The following AHI1 variants were observed in gnomAD, a reference collection of about 807,000 sequenced individuals.
AHI1 encodes Abelson helper integration site 1.
AHI1 carries 123 observed loss-of-function variants against 149.3 expected under a neutral mutation model. The ratio of observed to expected loss-of-function variants is 0.82; its 90% CI spans 0.71 to 0.96. The LOEUF (loss-of-function observed/expected upper bound fraction) is 0.96, where lower values mean the gene tolerates loss of function less well. AHI1 is among the 40% of genes least tolerant of loss of function. The pLI is 0.00. For missense variants in AHI1, 1,439 were observed against 1,422.7 expected (o/e 1.01, Z -0.18); for synonymous variants, 475 against 459.8 (o/e 1.03, Z -0.42).
chr6:135,487,176 TAC>T (rs1214083618), intron 5 of AHI1, among the ~76,000 whole-genome samples: 3 of 152,210 alleles, frequency 2.0e-5, no homozygotes, highest in Non-Finnish European at 2.9e-5. Flanking sequence ...CTTATTTCAT[TAC>T]ATTCTTTTAA....
intron 20 of AHI1, among the ~76,000 whole-genome samples, chr6:135,413,642 C>G (rs776451139): frequency 6.6e-6 from 1 of 151,678 alleles, no homozygotes; most frequent in Non-Finnish European, 1.5e-5. Flanking sequence ...AAATAAGGCA[C>G]TAGAATTGAC....
chr6:135,435,962 G>C (rs1323618162), intron 15 of AHI1, among the ~76,000 whole-genome samples: 1 of 152,230 alleles, frequency 6.6e-6, no homozygotes, highest in East Asian at 1.9e-4. Context: ...GGTGGATAAG[G>C]ATGCCATTAA....
In AHI1 at chr6:135,323,209, C is replaced by G. The variant is rs1787140141; in HGVS notation, c.3281G>C (p.Gly1094Ala). 1 of 1,613,756 alleles carries G rather than the reference C, an allele frequency of 6.2e-7. No individual in the cohort carries two copies. ...TGGAAAATAACCTTCCTGTCCCTTT[C>G]CTATGCTGCCATACCACCAGTCTTC... is the stretch of plus-strand genomic sequence containing the variant. ...DNEDWWYGSI[G>A]KGQEGYFPAN... The change falls in exon 25 of 29, where the codon GGA (glycine) becomes GCA (alanine). Residue 1094 changes from glycine to alanine, a missense_variant. Coordinates refer to ENST00000265602, the MANE Select transcript of AHI1 (RefSeq NM_001134831.2).
chr6:135,411,368 G>C lies in AHI1; in HGVS notation c.2941C>G (p.Gln981Glu), dbSNP rs1469812412. The C allele has an allele frequency of 2.5e-6, 4 of 1,613,678 alleles. No individual in the cohort carries two copies. Among genetic ancestry groups the C allele is most frequent in the Non-Finnish European group, 3.4e-6 (4 of 1,179,746 alleles). The change falls in exon 21 of 29, where the codon CAG (glutamine) becomes GAG (glutamate). Residue 981 changes from glutamine to glutamate, a missense_variant. Physicochemically the swap from Gln to Glu is conservative, Grantham distance 29 (BLOSUM62 2). Transcript: ENST00000265602. ...CTTACTGTGACAGTTTCAAGCCTCT[G>C]TTTTACTAGCTGCATCTTCGTTGAA... ...SSSTKMQLVK[Q>E]RLETVTEVIR...
intron 27 of AHI1, among the ~76,000 whole-genome samples, chr6:135,291,804 G>T (rs893782689): frequency 6.6e-6 from 1 of 152,164 alleles, no homozygotes; most frequent in Admixed American, 6.5e-5. Context: ...AAAAAGCACT[G>T]ATAGCACACA....
rs371198770 is a variant in AHI1, at chr6:135,438,406, T to C, written c.2005A>G (p.Ile669Val). The C allele has an allele frequency of 1.7e-5, 27 of 1,577,524 alleles. No individual in the cohort carries two copies. Among genetic ancestry groups the C allele is most frequent in the Non-Finnish European group, 2.2e-5 (26 of 1,159,482 alleles). ...DLSWSKDDHY[I>V]LTSSSDGTAR... ...GTGCCATCAGATGATGAAGTAAGGA[T>C]GTAGTGATCATCTTTTGACCAGGAA... The change falls in exon 15 of 29, where the codon ATC becomes GTC. Residue 669 changes from isoleucine to valine, a missense_variant. Coordinates refer to ENST00000265602, the MANE Select transcript of AHI1 (RefSeq NM_001134831.2).
chr6:135,383,347 T>C (rs1777138902), intron 23 of AHI1, among the ~76,000 whole-genome samples: 1 of 148,958 alleles, frequency 6.7e-6, no homozygotes, highest in African/African-American at 2.5e-5. Flanking sequence ...CCCCTCTGCC[T>C]CAGCCTTCTG....
chr6:135,309,154 T>C (rs933647447), intron 26 of AHI1, among the ~76,000 whole-genome samples: 1 of 152,212 alleles, frequency 6.6e-6, no homozygotes, highest in Admixed American at 6.5e-5. Context: ...AGAGAGTCCC[T>C]ATTAATTTCT....
chr6:135,370,921 GATTCTAACAGTAATAAATACATTT>G (rs1365930228), intron 23 of AHI1, among the ~76,000 whole-genome samples: 1 of 151,726 alleles, frequency 6.6e-6, no homozygotes, highest in African/African-American at 2.4e-5. Flanking sequence ...TTCCCTTCTG[GATTCTAACAGTAATAAATACATTT>G]ATTATTTATC....
At chr6:135,486,288 T>C (rs1268722030) in intron 5 of AHI1, among the ~76,000 whole-genome samples, 1 of 152,132 alleles carries the variant, frequency 6.6e-6, no homozygotes, top group South Asian at 2.1e-4. Context: ...TAATATACCA[T>C]GTATACTGTG....
chr6:135,459,727 T>C lies in AHI1; in HGVS notation c.932-2014A>G, dbSNP rs187623894. Among the ~76,000 whole-genome samples, 263 of 101,384 alleles carry C rather than the reference T, an allele frequency of 2.6e-3. 1 individual carries two copies. The highest frequency in any genetic ancestry group is 9.0e-3 in the African/African-American group (247 of 27,528). 66.5% of individuals were successfully genotyped at this position (101,384 alleles called of 152,430 possible). ...CCCTCAAAAACTACAGTATATCAAATAGCTGACAGAAGTAAAAAAAAAAAA... is the reference window on the plus strand; with the variant it reads ...CCCTCAAAAACTACAGTATATCAAACAGCTGACAGAAGTAAAAAAAAAAAA... On this transcript the variant is annotated intron_variant, in intron 8 of 28. Transcript: ENST00000265602.
chr6:135,433,257 C>T lies in AHI1; in HGVS notation c.2037-1G>A, dbSNP rs1784918128. The T allele has an allele frequency of 6.3e-7, 1 of 1,582,994 alleles. No individual in the cohort carries two copies. Among genetic ancestry groups the T allele is most frequent in the Non-Finnish European group, 8.7e-7 (1 of 1,153,470 alleles). ...ATTGTTTATTTCATTTTTCCATATC[C>T]TGGAAAAGGATAAGAAGTTACATAT... On this transcript the variant is annotated splice_acceptor_variant, in intron 15 of 28. Transcript: ENST00000265602. LOFTEE classifies it high-confidence loss of function.
In AHI1 at chr6:135,387,476, T is replaced by C. The variant is rs527383478; in HGVS notation, c.3109+7300A>G. Among the ~76,000 whole-genome samples, 16 of 152,342 alleles carry C rather than the reference T, an allele frequency of 1.1e-4. No individual in the cohort carries two copies. The South Asian group carries it at 2.3e-3, about 22-fold the overall frequency. The stretch of plus-strand genomic sequence containing the variant: ...AAAATCTCAATGTTATCTCATTACA[T>C]GCCAAAGACGGCTTAAGGGTGGTAC... On this transcript the variant is annotated intron_variant, in intron 23 of 28. Transcript: ENST00000265602.
chr6:135,496,113 C>T (rs1260644155), intron 2 of AHI1, among the ~76,000 whole-genome samples: 4 of 151,956 alleles, frequency 2.6e-5, no homozygotes, highest in Admixed American at 1.3e-4. Flanking sequence ...GTACAGAAAT[C>T]ATCTCTAATT....
chr6:135,409,753 C>T (rs372031289), intron 21 of AHI1, among the ~76,000 whole-genome samples: 14 of 152,190 alleles, frequency 9.2e-5, no homozygotes, highest in South Asian at 2.1e-4. Flanking sequence ...AAAAATCAAG[C>T]GATTTCACTA....
At chr6:135,308,480 T>C in intron 26 of AHI1, among the ~76,000 whole-genome samples, 1 of 152,092 alleles carries the variant, frequency 6.6e-6, no homozygotes, top group East Asian at 1.9e-4. Context: ...AAGCGATCCA[T>C]CCACCCTGGC....
At chr6:135,297,494 T>C (rs1209899846) in intron 27 of AHI1, 1 of 456,294 alleles carries the variant, frequency 2.2e-6, no homozygotes, top group South Asian at 1.5e-5. Context: ...AGCTCTCTTC[T>C]GTAATTACAA....
At position 135,448,305 on chromosome 6, in the gene AHI1, C is replaced by A. The variant is rs1191422958; in HGVS notation, c.1611G>T (p.Leu537=). 1 of 1,591,642 alleles carries A rather than the reference C, an allele frequency of 6.3e-7. No homozygotes were observed. Among genetic ancestry groups the A allele is most frequent in the Non-Finnish European group, 8.6e-7 (1 of 1,165,818 alleles). Residue 537 remains leucine (L), a synonymous_variant, in exon 12 of 29, where the codon CTG becomes CTT. Coordinates refer to ENST00000265602, the MANE Select transcript of AHI1 (RefSeq NM_001134831.2). ...PSTLYVTVRG[L]KVPDCIKPSY... ...ATTAACTTACACAGTCTGGAACTTT[C>A]AGTCCTCTTACAGTTACGTACAGTG...
intron 14 of AHI1, among the ~76,000 whole-genome samples, chr6:135,441,102 C>A (rs1786226450): frequency 6.7e-6 from 1 of 149,970 alleles, no homozygotes; most frequent in South Asian, 2.1e-4. Context: ...AAAGGATTTC[C>A]CACCAAAAAA....
Sources: allele counts gnomAD v4.1 joint callset (sites outside exome capture counted in the v4.1 genomes callset), GRCh38; gene constraint gnomAD v4.1.1; transcripts MANE v1.5; gene names NCBI Gene and HGNC (gene_info 2026-07-23, HGNC 2026-07-21).